Variants in NFIB observed in about 807,000 individuals in gnomAD.
NFIB encodes nuclear factor I B.
NFIB carries 11 observed loss-of-function variants against 61.5 expected under a neutral mutation model. The observed-to-expected ratio is 0.18, with a 90% confidence interval of 0.11 to 0.30. The LOEUF is 0.30. Among genes scored for constraint, NFIB ranks in the 10% least tolerant of loss-of-function variants. NFIB has a pLI of 1.00. For synonymous variants in NFIB, 260 were observed against 216.5 expected, an observed-to-expected ratio of 1.20 and a Z score of -1.76; for missense variants, 471 against 608.9, an observed-to-expected ratio of 0.77 and a Z score of 2.38.
At chr9:14,196,102 T>C (rs2048441337) in intron 2 of NFIB, among the ~76,000 whole-genome samples, 1 of 152,128 alleles carries the variant, frequency 6.6e-6, no homozygotes, top group Non-Finnish European at 1.5e-5. Context: ...TCACGCTGGT[T>C]GAACTTAATT....
At chr9:14,298,031 G>C (rs1192599761) in intron 2 of NFIB, among the ~76,000 whole-genome samples, 1 of 151,974 alleles carries the variant, frequency 6.6e-6, no homozygotes, top group Non-Finnish European at 1.5e-5. Context: ...TTACATGCTG[G>C]CAAAAGTCCC....
Position 14,166,646 on chromosome 9 carries a change from T to C in NFIB, c.617-10753A>G, listed in dbSNP as rs757514316. On this transcript the variant is annotated intron_variant, in intron 3 of 10. Coordinates refer to ENST00000380953, the MANE Select transcript of NFIB (RefSeq NM_001190737.2). ...ATTTTTCTCCATTTGTCTTTGATCC[T>C]ACATCCTCCAATTTCTCCACAATGA... Among the ~76,000 whole-genome samples the C allele has an allele frequency of 3.9e-5, 6 of 152,344 alleles. No individual in the cohort carries two copies. The East Asian group carries it at 5.8e-4, about 15-fold the overall frequency.
intron 1 of NFIB, among the ~76,000 whole-genome samples, chr9:14,344,037 CA>C (rs1399431839): frequency 1.4e-5 from 2 of 147,440 alleles, no homozygotes; most frequent in African/African-American, 2.5e-5. Flanking sequence ...AATGGCCTAG[CA>C]AATAAGTAAA....
the NFIB span, among the ~76,000 whole-genome samples, chr9:14,416,647 ATTAAGT>A: frequency 6.6e-6 from 1 of 152,174 alleles, no homozygotes; most frequent in Non-Finnish European, 1.5e-5. Context: ...AGTTAAAAAA[ATTAAGT>A]TTACAGGGTA....
upstream of NFIB, among the ~76,000 whole-genome samples, chr9:14,401,225 C>A (rs2061740168): frequency 6.6e-6 from 1 of 152,208 alleles, no homozygotes; most frequent in African/African-American, 2.4e-5. Flanking sequence ...CAGTACCACA[C>A]TAGGGATCAA....
chr9:14,469,443 C>G, the NFIB span, among the ~76,000 whole-genome samples: 3 of 152,174 alleles, frequency 2.0e-5, no homozygotes, highest in East Asian at 3.8e-4. Flanking sequence ...ACTGGTATGA[C>G]TTAGGTATCA....
intron 1 of NFIB, among the ~76,000 whole-genome samples, chr9:14,368,160 A>G (rs2061323164): frequency 1.3e-5 from 2 of 152,086 alleles, no homozygotes; most frequent in African/African-American, 4.8e-5. Context: ...AGATTAAAAA[A>G]AAAAAAAAGA....
intron 10 of NFIB, among the ~76,000 whole-genome samples, chr9:14,092,304 G>A (rs926174703): frequency 2.5e-4 from 38 of 152,048 alleles, no homozygotes; most frequent in African/African-American, 8.7e-4. Context: ...ACTTCCAGAC[G>A]ATAGCCATGC....
At chr9:14,361,028 G>A (rs576232159) in intron 1 of NFIB, among the ~76,000 whole-genome samples, 22 of 152,124 alleles carry the variant, frequency 1.4e-4, no homozygotes, top group African/African-American at 5.3e-4. Context: ...TTTACATTCA[G>A]CATTTCTATC....
chr9:14,205,232 GGA>G (rs1563899044), intron 2 of NFIB, among the ~76,000 whole-genome samples: 2 of 232 alleles, frequency 8.6e-3, no homozygotes, highest in Non-Finnish European at 0.016. Context: ...GAGGGGAGGG[GGA>G]AAAAAGAAGG....
rs528050021 is a variant in NFIB, at chr9:14,313,890, C to T, written c.-379G>A. 9.7e-7 allele frequency: 1 copy of T among 1,031,316 alleles called. No individual in the cohort carries two copies. Among genetic ancestry groups the T allele is most frequent in the Non-Finnish European group, 1.2e-6 (1 of 862,956 alleles). 63.9% of individuals were successfully genotyped at this position (1,031,316 alleles called of 1,614,324 possible). On this transcript the variant is annotated 5_prime_UTR_variant, in exon 1 of 11. Transcript: ENST00000380953. The surrounding 1 kb of genome is among the most constrained non-coding windows in gnomAD (Gnocchi z 4.5). ...GGGGTGTAGGGGGTGCGCGAAGGTT[C>T]GGTGTGGGTTGGATTGGGGTGGTGG...
At chr9:14,519,942 T>C in the NFIB span, among the ~76,000 whole-genome samples, 1 of 151,896 alleles carries the variant, frequency 6.6e-6, no homozygotes, top group African/African-American at 2.4e-5. Context: ...TATTTTTACA[T>C]CCCATACTCT....
intron 1 of NFIB, among the ~76,000 whole-genome samples, chr9:14,379,369 A>T (rs2061456987): frequency 6.6e-6 from 1 of 152,172 alleles, no homozygotes; most frequent in Non-Finnish European, 1.5e-5. Context: ...AAATTGAATT[A>T]TGTTTCTGTG....
the NFIB span, among the ~76,000 whole-genome samples, chr9:14,531,281 T>C: frequency 6.6e-6 from 1 of 152,200 alleles, no homozygotes; most frequent in South Asian, 2.1e-4. Context: ...GCTGGACAAA[T>C]ATAAGAGGGG....
intron 2 of NFIB, among the ~76,000 whole-genome samples, chr9:14,186,241 T>C (rs2047321903): frequency 6.6e-6 from 1 of 152,184 alleles, no homozygotes; most frequent in Admixed American, 6.5e-5. Flanking sequence ...AAACCCACAA[T>C]GTAACCTGTT....
At chr9:14,373,851 G>C (rs544577261) in intron 1 of NFIB, among the ~76,000 whole-genome samples, 4 of 152,220 alleles carry the variant, frequency 2.6e-5, no homozygotes, top group African/African-American at 9.6e-5. Flanking sequence ...CAATCACCAG[G>C]GGCAGCAACT....
the NFIB span, among the ~76,000 whole-genome samples, chr9:14,465,861 A>G: frequency 6.6e-6 from 1 of 152,160 alleles, no homozygotes; most frequent in Non-Finnish European, 1.5e-5. Flanking sequence ...ACTAAATGCC[A>G]GTAGCAACAA....
chr9:14,375,315 GA>G (rs1195125915), intron 1 of NFIB, among the ~76,000 whole-genome samples: 1 of 152,172 alleles, frequency 6.6e-6, no homozygotes, highest in African/African-American at 2.4e-5. Context: ...GGCAAAATGA[GA>G]ACCCCTCCTA....
At chr9:14,443,827 C>T in the NFIB span, among the ~76,000 whole-genome samples, 1 of 152,184 alleles carries the variant, frequency 6.6e-6, no homozygotes, top group Non-Finnish European at 1.5e-5. Flanking sequence ...TGGACATATT[C>T]TCACTGCTGA....
Sources: allele counts gnomAD v4.1 joint callset (sites outside exome capture counted in the v4.1 genomes callset), GRCh38; gene constraint gnomAD v4.1.1; non-coding constraint Gnocchi (gnomAD v3.1); transcripts MANE v1.5; gene names NCBI Gene and HGNC (gene_info 2026-07-23, HGNC 2026-07-21).